Variants in DGKB observed in about 807,000 individuals in gnomAD.
DGKB encodes 90 kDa diacylglycerol kinase.
A neutral mutation model predicts 114.3 loss-of-function variants in DGKB; 67 were observed. That is an observed-to-expected ratio of 0.59 (90% CI 0.48 to 0.72). DGKB has a LOEUF of 0.72. Among genes scored for constraint, DGKB ranks in the 30% least tolerant of loss-of-function variants. DGKB has a pLI of 0.00. For synonymous variants in DGKB, 398 were observed against 323.1 expected, an observed-to-expected ratio of 1.23 and a Z score of -2.49; for missense variants, 907 against 975.2, an observed-to-expected ratio of 0.93 and a Z score of 0.93.
chr7:14,332,553 C>T (rs1354187354), intron 23 of DGKB, among the ~76,000 whole-genome samples: 1 of 152,174 alleles, frequency 6.6e-6, no homozygotes, highest in African/African-American at 2.4e-5. Flanking sequence ...TCTAAATTAT[C>T]ACTTAGGTAG....
intron 20 of DGKB, among the ~76,000 whole-genome samples, chr7:14,568,136 G>T (rs1797872782): frequency 1.3e-5 from 2 of 152,100 alleles, no homozygotes; most frequent in South Asian, 4.1e-4. Flanking sequence ...TCACTGCCAT[G>T]TAAGCTTAGT....
intron 20 of DGKB, among the ~76,000 whole-genome samples, chr7:14,525,263 T>C (rs1247051417): frequency 6.6e-6 from 1 of 152,212 alleles, no homozygotes; most frequent in Non-Finnish European, 1.5e-5. Context: ...ATCTGAACAA[T>C]GCTCTCCCTA....
chr7:14,556,245 G>T (rs1340384640), intron 20 of DGKB, among the ~76,000 whole-genome samples: 1 of 151,900 alleles, frequency 6.6e-6, no homozygotes, highest in Non-Finnish European at 1.5e-5. Context: ...TTTTAGTTTT[G>T]CTGGTATTGT....
At chr7:14,643,993 C>T (rs547141385) in intron 13 of DGKB, among the ~76,000 whole-genome samples, 24 of 152,240 alleles carry the variant, frequency 1.6e-4, no homozygotes, top group African/African-American at 3.8e-4. Context: ...CTACAAATAT[C>T]CCCCAGGATC....
intron 14 of DGKB, 25 bp from the exon 15 acceptor site, chr7:14,621,519 A>G (rs1807650288): frequency 7.3e-7 from 1 of 1,362,214 alleles, no homozygotes; most frequent in Non-Finnish European, 1.0e-6. Context: ...ATTTTGATAA[A>G]AATAAAAATT....
At chr7:14,855,235 A>C (rs1270874214) in intron 1 of DGKB, among the ~76,000 whole-genome samples, 1 of 152,184 alleles carries the variant, frequency 6.6e-6, no homozygotes, top group Non-Finnish European at 1.5e-5. Context: ...GAATGAACTA[A>C]ATTTAGCAAC....
intron 20 of DGKB, among the ~76,000 whole-genome samples, chr7:14,563,797 C>A (rs113798299): frequency 6.6e-6 from 1 of 151,964 alleles, no homozygotes; most frequent in African/African-American, 2.4e-5. Flanking sequence ...ACAGACTAGC[C>A]TTGTATGGAA....
intron 21 of DGKB, among the ~76,000 whole-genome samples, chr7:14,436,026 T>A (rs1212248985): frequency 6.6e-6 from 1 of 152,062 alleles, no homozygotes; most frequent in African/African-American, 2.4e-5. Context: ...TCAAATGGAA[T>A]CTAATGCCTA....
At chr7:14,300,645 T>C (rs1803382101) in intron 23 of DGKB, among the ~76,000 whole-genome samples, 1 of 152,114 alleles carries the variant, frequency 6.6e-6, no homozygotes, top group South Asian at 2.1e-4. Flanking sequence ...TTAGATCTTT[T>C]TGTTGGTTTT....
intron 21 of DGKB, among the ~76,000 whole-genome samples, chr7:14,405,432 T>C (rs993503922): frequency 2.6e-5 from 4 of 152,076 alleles, no homozygotes; most frequent in African/African-American, 4.8e-5. Flanking sequence ...ACTGTTAAAT[T>C]TGGATAATAA....
intron 17 of DGKB, among the ~76,000 whole-genome samples, chr7:14,586,597 C>A (rs1171014016): frequency 6.6e-6 from 1 of 152,092 alleles, no homozygotes; most frequent in African/African-American, 2.4e-5. Context: ...ACTTTGATAG[C>A]TACAAAGGAG....
At chr7:14,702,414 T>C (rs1469666700) in intron 6 of DGKB, among the ~76,000 whole-genome samples, 2 of 152,142 alleles carry the variant, frequency 1.3e-5, no homozygotes, top group Admixed American at 6.5e-5. Flanking sequence ...GGTTTATTTG[T>C]TTAAATCTGA....
intron 21 of DGKB, among the ~76,000 whole-genome samples, chr7:14,392,995 G>GTTTTGTTGTTTTTTTTT (rs1554404749): frequency 1.7e-4 from 10 of 60,544 alleles, no homozygotes; most frequent in African/African-American, 4.4e-4. Context: ...TTTTGTTTTT[G>GTTTTGTTGTTTTTTTTT]TTTTTTTTTT....
chr7:14,965,273 T>A (rs964467245), intron 1 of DGKB, among the ~76,000 whole-genome samples: 1 of 152,212 alleles, frequency 6.6e-6, no homozygotes, highest in Middle Eastern at 3.4e-3. Context: ...CACTGTACTT[T>A]GAAAATAAAT....
chr7:14,497,101 C>T (rs540316863), intron 20 of DGKB, among the ~76,000 whole-genome samples: 4 of 151,632 alleles, frequency 2.6e-5, no homozygotes, highest in Non-Finnish European at 4.4e-5. Context: ...AAACCAAATA[C>T]GCATGTTCTT....
chr7:14,481,260 A>G (rs1782948812), intron 20 of DGKB, among the ~76,000 whole-genome samples: 1 of 151,884 alleles, frequency 6.6e-6, no homozygotes, highest in Admixed American at 6.6e-5. Flanking sequence ...AGGCTTATTT[A>G]TGTTTTAAGT....
chr7:14,682,768 G>A lies in DGKB; in HGVS notation c.903C>T (p.Ser301=), dbSNP rs1297965050. ...PPSCIKTYVK[S]KRNTDVMHHY... ...ACAAACTTACATCAGTGTTCCTTTT[G>A]GACTTCACATAGGTCTTGATGCAAG... Residue 301 remains serine, a synonymous_variant, in exon 11 of 26, where the codon TCC becomes TCT. Transcript: ENST00000402815. 1.2e-6 allele frequency: 2 copies of A among 1,611,712 alleles called. No individual in the cohort carries two copies. The highest frequency in any genetic ancestry group is 1.3e-5 in the African/African-American group (1 of 74,850).
At chr7:14,180,767 T>C (rs980066303) in intron 23 of DGKB, among the ~76,000 whole-genome samples, 12 of 152,202 alleles carry the variant, frequency 7.9e-5, no homozygotes, top group African/African-American at 2.9e-4. Context: ...CTGATTGATT[T>C]CAGACAGAGA....
At chr7:14,904,208 C>A (rs1230547782), upstream of DGKB, among the ~76,000 whole-genome samples, 2 of 138,452 alleles carry the variant, frequency 1.4e-5, no homozygotes, top group Non-Finnish European at 3.1e-5. Context: ...TCATGAACAA[C>A]CCCTCCTAAA....
Sources: allele counts gnomAD v4.1 joint callset (sites outside exome capture counted in the v4.1 genomes callset), GRCh38; gene constraint gnomAD v4.1.1; transcripts MANE v1.5; gene names NCBI Gene and HGNC (gene_info 2026-07-23, HGNC 2026-07-21).